SRSF4: variants seen among roughly 807,000 people sequenced by gnomAD.
SRSF4 encodes the protein serine/arginine-rich splicing factor 4.
SRSF4 carries 12 observed loss-of-function variants against 48.8 expected under a neutral mutation model. That is an observed-to-expected ratio of 0.25 (90% CI 0.16 to 0.40). The LOEUF is 0.40. Among genes scored for constraint, SRSF4 ranks in the 10% least tolerant of loss-of-function variants. The pLI is 1.00. For synonymous variants in SRSF4, 248 were observed against 232.5 expected, an observed-to-expected ratio of 1.07 and a Z score of -0.61; for missense variants, 466 against 667.1, an observed-to-expected ratio of 0.70 and a Z score of 3.32.
At chr1:29,167,365 CTTCTA>C (rs1191882135) in intron 1 of SRSF4, among the ~76,000 whole-genome samples, 1 of 152,046 alleles carries the variant, frequency 6.6e-6, no homozygotes, top group Non-Finnish European at 1.5e-5. Context: ...AGCTTTAGCA[CTTCTA>C]TTCAATTTTA....
intron 1 of SRSF4, chr1:29,170,605 T>A (rs1406718880): frequency 6.6e-6 from 1 of 152,240 alleles, no homozygotes; most frequent in East Asian, 1.9e-4. Flanking sequence ...CTTTTATTAA[T>A]TAGTGGATGC....
intron 3 of SRSF4, among the ~76,000 whole-genome samples, chr1:29,159,108 A>ACAAAC (rs6143174): frequency 0.63 from 93,736 of 148,394 alleles, 31,039 homozygotes; most frequent in Non-Finnish European, 0.74. Flanking sequence ...TCCATCTCAA[A>ACAAAC]CAAACCAAAC....
intron 1 of SRSF4, among the ~76,000 whole-genome samples, chr1:29,174,987 T>TAAA (rs147254464): frequency 7.5e-6 from 1 of 134,166 alleles, no homozygotes; most frequent in East Asian, 2.1e-4. Flanking sequence ...GTTTTTTAAT[T>TAAA]AAAAAAAAAA....
intron 1 of SRSF4, among the ~76,000 whole-genome samples, chr1:29,161,357 G>A (rs1018144640): frequency 2.6e-5 from 4 of 151,236 alleles, no homozygotes; most frequent in African/African-American, 9.7e-5. Flanking sequence ...TGACACAGCT[G>A]TGAAAAGTCC....
chr1:29,168,324 C>A (rs899656791), intron 1 of SRSF4, among the ~76,000 whole-genome samples: 3 of 152,086 alleles, frequency 2.0e-5, no homozygotes, highest in African/African-American at 7.2e-5. Flanking sequence ...AGCCACCATG[C>A]CCGGCCTTCT....
chr1:29,149,384 G>A (rs555633206), intron 5 of SRSF4, among the ~76,000 whole-genome samples, 158 bp from the exon 6 acceptor site: 1 of 152,234 alleles, frequency 6.6e-6, no homozygotes, highest in East Asian at 1.9e-4. Context: ...ATGCCAATCA[G>A]AAGCTGGAAA....
At chr1:29,152,394 A>G (rs1037721791) in intron 4 of SRSF4, among the ~76,000 whole-genome samples, 24 of 152,098 alleles carry the variant, frequency 1.6e-4, no homozygotes, top group African/African-American at 5.6e-4. Flanking sequence ...ATAAATTTCA[A>G]ATTTTCCATA....
intron 1 of SRSF4, among the ~76,000 whole-genome samples, chr1:29,180,517 G>C (rs1287803735): frequency 1.3e-5 from 2 of 152,138 alleles, no homozygotes; most frequent in Non-Finnish European, 2.9e-5. Flanking sequence ...AACATACTTA[G>C]GTAACTTTCA....
intron 1 of SRSF4, among the ~76,000 whole-genome samples, chr1:29,162,355 T>C (rs1179577023): frequency 1.3e-5 from 2 of 152,238 alleles, no homozygotes; most frequent in East Asian, 1.9e-4. Flanking sequence ...TAAAAATCTA[T>C]TAATAGATAA....
At chr1:29,158,149 A>G (rs1337472300) in intron 3 of SRSF4, among the ~76,000 whole-genome samples, 1 of 152,012 alleles carries the variant, frequency 6.6e-6, no homozygotes, top group African/African-American at 2.4e-5. Flanking sequence ...AGCCTAGGCG[A>G]AAGGGCGAGA....
Position 29,149,354 on chromosome 1 carries a change from T to C in SRSF4, c.669-128A>G. The C allele has an allele frequency of 5.0e-6, 6 of 1,207,164 alleles. 1 individual carries two copies. The South Asian group carries it at 7.9e-5, about 16-fold the overall frequency. 74.8% of individuals were successfully genotyped at this position (1,207,164 alleles called of 1,614,324 possible). ...AAGCATGGCTGGCACTGGCTGAGGA[T>C]TGTTTTCTGAACCCTCACAATGCCA... On this transcript the variant is annotated intron_variant, in intron 5 of 5. Coordinates refer to ENST00000373795, the MANE Select transcript of SRSF4 (RefSeq NM_005626.5).
chr1:29,150,422 G>A (rs926442228), intron 4 of SRSF4, among the ~76,000 whole-genome samples: 1 of 152,086 alleles, frequency 6.6e-6, no homozygotes, highest in Non-Finnish European at 1.5e-5. Context: ...GTGCTACCAC[G>A]CCTGGCTAAT....
In SRSF4 at chr1:29,147,846, CTTTTT is replaced by C. The variant is rs1029556930; in HGVS notation, c.*559_*563del. On this transcript the variant is annotated 3_prime_UTR_variant, in exon 6 of 6. Transcript: ENST00000373795. ...AAATTAAAAAAAATTCTTTTCTTTT[CTTTTT>C]TAATATAAAACAATATAATCACAAT... The C allele has an allele frequency of 3.5e-5, 6 of 171,234 alleles. No individual in the cohort carries two copies. Among genetic ancestry groups the C allele is most frequent in the South Asian group, 2.6e-4 (2 of 7,654 alleles). The allele number at this position is 171,234 out of a possible 1,614,324, so 10.6% of individuals were successfully genotyped here. A position where few individuals can be genotyped will look rare whatever the true frequency, so the allele number is the denominator to read the frequency against.
At position 29,168,073 on chromosome 1, in the gene SRSF4, C is replaced by T. The variant is rs184928065; in HGVS notation, c.108-7556G>A. On this transcript the variant is annotated intron_variant, in intron 1 of 5. Transcript: ENST00000373795. Reference sequence around the variant, plus strand: ...CTCTGTCGCGCAGGCTGCAGCGCAGCGGCGCGATCTCCACTCACTGCAACC... The same window carrying T: ...CTCTGTCGCGCAGGCTGCAGCGCAGTGGCGCGATCTCCACTCACTGCAACC... Among the ~76,000 whole-genome samples, 23 of 151,052 alleles carry T rather than the reference C, an allele frequency of 1.5e-4. No individual in the cohort carries two copies. The East Asian group carries it at 2.7e-3, about 18-fold the overall frequency.
intron 1 of SRSF4, among the ~76,000 whole-genome samples, chr1:29,161,661 C>T (rs572473046): frequency 6.6e-5 from 10 of 152,186 alleles, no homozygotes; most frequent in Non-Finnish European, 1.2e-4. Flanking sequence ...CGCAGTGGTG[C>T]GATCTCAGCT....
chr1:29,179,880 T>C (rs992053250), intron 1 of SRSF4, among the ~76,000 whole-genome samples: 3 of 152,238 alleles, frequency 2.0e-5, no homozygotes, highest in Non-Finnish European at 2.9e-5. Context: ...GACATTTTGT[T>C]GATGGGTTAT....
At chr1:29,170,341 T>C (rs1362528593) in intron 1 of SRSF4, 1 of 152,160 alleles carries the variant, frequency 6.6e-6, no homozygotes. Context: ...TATTCCTACT[T>C]AAAGAAATAA....
intron 1 of SRSF4, among the ~76,000 whole-genome samples, chr1:29,174,044 C>T (rs1672794967): frequency 6.6e-6 from 1 of 151,356 alleles, no homozygotes; most frequent in Non-Finnish European, 1.5e-5. Flanking sequence ...CAAAAATTAG[C>T]GGGGTGTGGT....
chr1:29,171,055 C>A (rs1253672338), intron 1 of SRSF4: 1 of 152,140 alleles, frequency 6.6e-6, no homozygotes, highest in African/African-American at 2.4e-5. Context: ...CCCTCACCTT[C>A]AGGGTACTAT....
Sources: allele counts gnomAD v4.1 joint callset (sites outside exome capture counted in the v4.1 genomes callset), GRCh38; gene constraint gnomAD v4.1.1; transcripts MANE v1.5; gene names NCBI Gene and HGNC (gene_info 2026-07-23, HGNC 2026-07-21).